COL16A1: variants seen among roughly 807,000 people sequenced by gnomAD.
COL16A1 encodes collagen alpha-1(XVI) chain.
COL16A1 carries 189 observed loss-of-function variants against 266.3 expected under a neutral mutation model. The observed-to-expected ratio is 0.71, with a 90% CI of 0.63 to 0.80. COL16A1 has a LOEUF of 0.80. COL16A1 is among the 30% of genes least tolerant of loss of function. The pLI, the probability that COL16A1 is intolerant of heterozygous loss-of-function variation, is 0.00. For missense variants in COL16A1, 1,928 were observed against 2,122.4 expected (o/e 0.91, Z 1.80); for synonymous variants, 740 against 782.3 (o/e 0.95, Z 0.90).
chr1:31,671,402 C>G (rs577135494), intron 48 of COL16A1, among the ~76,000 whole-genome samples: 1 of 152,156 alleles, frequency 6.6e-6, no homozygotes, highest in Non-Finnish European at 1.5e-5. Flanking sequence ...TAAGCAGGAC[C>G]GCAGGCAGTA....
rs1644178540 is a variant in COL16A1 at position 31,689,899 on chromosome 1, C to A, written c.1510-48G>T. The A allele has an allele frequency of 3.2e-6, 5 of 1,560,760 alleles. No homozygotes were observed. In the South Asian group the frequency reaches 5.6e-5, roughly 17 times the overall value. ...TGTGGACAGGGTGGGGCTGAGACCC[C>A]AGGGAAGGCAAGGGGCCTCTTGCGC... is the stretch of plus-strand genomic sequence containing the variant. On this transcript the variant is annotated intron_variant, in intron 22 of 70. Coordinates refer to ENST00000373672, the MANE Select transcript of COL16A1 (RefSeq NM_001856.4).
At position 31,672,758 on chromosome 1, in the gene COL16A1, A is replaced by C; in HGVS notation, c.2942T>G (p.Ile981Ser). ...GTTGTCGAGGCCTGGCACACCAGGG[A>C]TGCCCTGGTCTCCCTTCTCTCCCTT... ...VEKGEKGDQG[I>S]PGVPGLDNCA... is the part of the protein sequence containing the mutation. Residue 981 changes from isoleucine to serine, a missense_variant, in exon 45 of 71, where the codon ATC (isoleucine) becomes AGC (serine). Coordinates refer to ENST00000373672, the MANE Select transcript of COL16A1 (RefSeq NM_001856.4). The C allele has an allele frequency of 6.2e-7, 1 of 1,614,144 alleles. No individual in the cohort carries two copies. Among genetic ancestry groups the C allele is most frequent in the Non-Finnish European group, 8.5e-7 (1 of 1,179,982 alleles).
At position 31,698,004 on chromosome 1, in the gene COL16A1, T is replaced by C; in HGVS notation, c.559A>G (p.Ser187Gly). Residue 187 changes from serine (S) to glycine (G), a missense_variant, in exon 6 of 71, where the codon AGC becomes GGC. Around this residue, in one of 2 missense-constraint regions of COL16A1, gnomAD observed 1,552 missense variants for 1,637.2 expected, o/e 0.95. Transcript: ENST00000373672. The surrounding 1 kb of genome is among the most constrained non-coding windows in gnomAD (Gnocchi z 4.1). The part of the protein sequence containing the change: ...GRVASVHVDC[S>G]SASSQPLGPR... ...CCCAGAGGCTGGGAGGAGGCTGAGC[T>C]GCAGTCCACGTGCACAGAGGCCACA... is the stretch of plus-strand genomic sequence containing the variant. 6.2e-7 allele frequency: 1 copy of C among 1,613,458 alleles called. No individual in the cohort carries two copies. Among genetic ancestry groups the C allele is most frequent in the Non-Finnish European group, 8.5e-7 (1 of 1,180,028 alleles).
At chr1:31,696,329 C>G (rs983769772) in intron 8 of COL16A1, among the ~76,000 whole-genome samples, 188 bp from the exon 9 acceptor site, 2 of 139,692 alleles carry the variant, frequency 1.4e-5, no homozygotes, top group Non-Finnish European at 3.1e-5. Flanking sequence ...TCCTTCCCCC[C>G]CCACCCACCC....
Position 31,668,653 on chromosome 1 carries a change from A to G in COL16A1, c.3249+149T>C. ...TCCTGGGGGAGTGTGGAAACCTCAC[A>G]CTGAGGGAATCCCGGCAGAAGGGCA... On this transcript the variant is annotated intron_variant, in intron 50 of 70. Coordinates refer to ENST00000373672, the MANE Select transcript of COL16A1 (RefSeq NM_001856.4). This position sits in a 1 kb window ranked among gnomAD's most constrained non-coding sequence, Gnocchi z 5.8. The G allele has an allele frequency of 2.3e-6, 2 of 878,574 alleles. No homozygotes were observed. The highest frequency in any genetic ancestry group is 3.7e-6 in the Non-Finnish European group (2 of 543,624). The allele number at this position is 878,574 out of a possible 1,614,324, so 54.4% of individuals were successfully genotyped here. A position where few individuals can be genotyped will look rare whatever the true frequency, so the allele number is the denominator to read the frequency against.
chr1:31,657,287 T>A lies in COL16A1; in HGVS notation c.4021-219A>T. 1.7e-6 allele frequency: 1 copy of A among 599,868 alleles called. No homozygotes were observed. 37.2% of individuals were successfully genotyped at this position (599,868 alleles called of 1,614,324 possible). On this transcript the variant is annotated intron_variant, in intron 64 of 70. Coordinates refer to ENST00000373672, the MANE Select transcript of COL16A1 (RefSeq NM_001856.4). The surrounding 1 kb of genome is among the most constrained non-coding windows in gnomAD (Gnocchi z 6.4). ...GAGCCCCAACAGCTCCCAGCCCCCG[T>A]CTACAAGAGCTTTACAAGGGAAGAA...
At chr1:31,683,024 G>T (rs760032743) in intron 36 of COL16A1, 22 bp from the exon 37 acceptor site, 20 of 1,613,810 alleles carry the variant, frequency 1.2e-5, no homozygotes, top group Non-Finnish European at 1.7e-5. Flanking sequence ...AAGGTACAAA[G>T]GTCTCAGGGG....
In COL16A1 at chr1:31,692,579, T is replaced by C. The variant is rs1339755798; in HGVS notation, c.1158+19A>G. The stretch of plus-strand genomic sequence containing the variant: ...CCCTGGACCCACCATCCCTGCCCTA[T>C]CCCTGGTCCCACACTCACCAGAGCT... On this transcript the variant is annotated intron_variant, in intron 15 of 70. Transcript: ENST00000373672. 1.2e-6 allele frequency: 2 copies of C among 1,614,074 alleles called. No homozygotes were observed. The highest frequency in any genetic ancestry group is 1.7e-6 in the Non-Finnish European group (2 of 1,179,982).
rs1320078300 is a variant in COL16A1, at chr1:31,685,841, G to A, written c.1885-71C>T. 6 of 1,592,704 alleles carry A rather than the reference G, an allele frequency of 3.8e-6. No individual in the cohort carries two copies. In the Admixed American group the frequency reaches 8.5e-5, roughly 23 times the overall value. On this transcript the variant is annotated intron_variant, in intron 28 of 70. Transcript: ENST00000373672. The surrounding 1 kb of genome is among the most constrained non-coding windows in gnomAD (Gnocchi z 4.0). ...GCACTTGAGCGAGGTTTGGAATCTA[G>A]GGCTGGGGAATGTCACTGGGTCTGA...
intron 47 of COL16A1, among the ~76,000 whole-genome samples, chr1:31,671,877 G>A (rs538097252): frequency 6.6e-6 from 1 of 152,334 alleles, no homozygotes; most frequent in Non-Finnish European, 1.5e-5. Context: ...CCAGGCATTA[G>A]TCCAGGGGCT....
chr1:31,656,033 C>T lies in COL16A1; in HGVS notation c.4101+367G>A. 2.9e-6 allele frequency: 1 copy of T among 341,492 alleles called. No homozygotes were observed. The highest frequency in any genetic ancestry group is 2.9e-5 in the South Asian group (1 of 34,384). 21.2% of individuals were successfully genotyped at this position (341,492 alleles called of 1,614,324 possible). A position where few individuals can be genotyped will look rare whatever the true frequency, so the allele number is the denominator to read the frequency against. On this transcript the variant is annotated intron_variant, in intron 66 of 70. Coordinates refer to ENST00000373672, the MANE Select transcript of COL16A1 (RefSeq NM_001856.4). The surrounding 1 kb of genome is among the most constrained non-coding windows in gnomAD (Gnocchi z 4.2). ...TGTCTCATGTCTTCTGGAAAACTTG[C>T]CAATCCCTAGTGTAAGTGTGACTGG...
chr1:31,681,814 A>G (rs1050800610), intron 37 of COL16A1, among the ~76,000 whole-genome samples: 1 of 152,200 alleles, frequency 6.6e-6, no homozygotes, highest in Non-Finnish European at 1.5e-5. Flanking sequence ...GACCTGGCCC[A>G]CATCTCTCCT....
At position 31,653,663 on chromosome 1, in the gene COL16A1, G is replaced by A. The variant is rs1640830771; in HGVS notation, c.4548C>T (p.Thr1516=). The change falls in exon 70 of 71, where the codon ACC becomes ACT. Residue 1516 remains threonine (T), a synonymous_variant. Coordinates refer to ENST00000373672, the MANE Select transcript of COL16A1 (RefSeq NM_001856.4). ...GLPGVRGLPG[T]KGEKGDIGIG... ...TACCAATGTCCCCTTTTTCACCTTT[G>A]GTACCAGGCAATCCTGGAACAAAAG... 6.2e-7 allele frequency: 1 copy of A among 1,612,672 alleles called. No individual in the cohort carries two copies. The highest frequency in any genetic ancestry group is 1.1e-5 in the South Asian group (1 of 90,956).
intron 48 of COL16A1, among the ~76,000 whole-genome samples, chr1:31,671,104 C>T (rs780210797): frequency 6.6e-6 from 1 of 152,250 alleles, no homozygotes. Context: ...GCCATGTCAA[C>T]ATCACAGAGG....
intron 1 of COL16A1, among the ~76,000 whole-genome samples, chr1:31,703,350 G>A (rs1362879036): frequency 6.6e-6 from 1 of 152,116 alleles, no homozygotes; most frequent in Admixed American, 6.5e-5. Flanking sequence ...CAATATATTT[G>A]GAGATAGGAC....
chr1:31,694,798 T>C (rs1644423152), intron 11 of COL16A1, among the ~76,000 whole-genome samples: 1 of 152,164 alleles, frequency 6.6e-6, no homozygotes, highest in Non-Finnish European at 1.5e-5. Context: ...GTGGGAGCCC[T>C]TGCCGTGCTG....
intron 58 of COL16A1, 129 bp downstream of exon 58, chr1:31,662,205 G>C: frequency 6.6e-7 from 1 of 1,506,364 alleles, no homozygotes; most frequent in Non-Finnish European, 9.0e-7. Flanking sequence ...GACAGACCGA[G>C]GGAGGGCATG....
chr1:31,692,080 G>A lies in COL16A1; in HGVS notation c.1195-13C>T. 3 of 1,613,616 alleles carry A rather than the reference G, an allele frequency of 1.9e-6. No homozygotes were observed. The highest frequency in any genetic ancestry group is 2.5e-6 in the Non-Finnish European group (3 of 1,180,008). On this transcript the variant is annotated splice_polypyrimidine_tract_variant and intron_variant, in intron 16 of 70. Coordinates refer to ENST00000373672, the MANE Select transcript of COL16A1 (RefSeq NM_001856.4). ...CGCCTTTCTGGCCCTGGGGAAGGAAGAAGCAGAGTGACCAGGATGAGGGAA... is the reference window on the plus strand; with the variant it reads ...CGCCTTTCTGGCCCTGGGGAAGGAAAAAGCAGAGTGACCAGGATGAGGGAA...
Position 31,668,079 on chromosome 1 carries a change from G to A in COL16A1, c.3303+86C>T. The A allele has an allele frequency of 8.0e-7, 1 of 1,245,168 alleles. No individual in the cohort carries two copies. The highest frequency in any genetic ancestry group is 1.1e-6 in the Non-Finnish European group (1 of 874,150). 77.1% of individuals were successfully genotyped at this position (1,245,168 alleles called of 1,614,324 possible). A position where few individuals can be genotyped will look rare whatever the true frequency, so the allele number is the denominator to read the frequency against. Reference sequence around the variant, plus strand: ...GCCCGGTAATGGGGAGCCCGCCGAGGGTTGCCCAGCCTGGCTGTGTCCTGA... The same window carrying A: ...GCCCGGTAATGGGGAGCCCGCCGAGAGTTGCCCAGCCTGGCTGTGTCCTGA... On this transcript the variant is annotated intron_variant, in intron 51 of 70. Coordinates refer to ENST00000373672, the MANE Select transcript of COL16A1 (RefSeq NM_001856.4). The surrounding 1 kb of genome is among the most constrained non-coding windows in gnomAD (Gnocchi z 5.8).
Sources: allele counts gnomAD v4.1 joint callset (sites outside exome capture counted in the v4.1 genomes callset), GRCh38; gene constraint gnomAD v4.1.1; regional missense constraint gnomAD v4.1.1; non-coding constraint Gnocchi (gnomAD v3.1); transcripts MANE v1.5; gene names NCBI Gene and HGNC (gene_info 2026-07-23, HGNC 2026-07-21).